Variants in C12orf54 observed in about 807,000 individuals in gnomAD.
The protein encoded by C12orf54 is chromosome 12 open reading frame 54, also known as uncharacterized protein C12orf54.
C12orf54 carries 24 observed loss-of-function variants against 26.4 expected under a neutral mutation model. The observed-to-expected ratio is 0.91, with a 90% CI of 0.66 to 1.28. C12orf54 has a LOEUF of 1.28. C12orf54 is among the 50% of genes most tolerant of loss of function. C12orf54 has a pLI of 0.00. For synonymous variants in C12orf54, 54 were observed against 47.0 expected, an observed-to-expected ratio of 1.15 and a Z score of -0.61; for missense variants, 154 against 150.9, an observed-to-expected ratio of 1.02 and a Z score of -0.11.
the C12orf54 span, among the ~76,000 whole-genome samples, chr12:48,470,366 T>C: frequency 6.6e-6 from 1 of 152,348 alleles, no homozygotes; most frequent in South Asian, 2.1e-4. Flanking sequence ...GTTATTTTTT[T>C]ACTTTTTGGT....
At chr12:48,421,618 C>A in the C12orf54 span, among the ~76,000 whole-genome samples, 2 of 150,590 alleles carry the variant, frequency 1.3e-5, no homozygotes, top group Non-Finnish European at 3.0e-5. Context: ...CAACCTCCAC[C>A]TCCCCAGTTC....
At chr12:48,494,037 A>G (rs374828903) in intron 7 of C12orf54, among the ~76,000 whole-genome samples, 34,503 of 95,804 alleles carry the variant, frequency 0.36, 8,043 homozygotes, top group East Asian at 0.77. Context: ...TGACCAACAC[A>G]GTGAAACCCC....
At position 48,489,048 on chromosome 12, in the gene C12orf54, A is replaced by G. The variant is rs576223126; in HGVS notation, c.168+92A>G. 74 of 1,226,836 alleles carry G rather than the reference A, an allele frequency of 6.0e-5. 1 individual carries two copies. The South Asian group carries it at 8.7e-4, about 14-fold the overall frequency. 76.0% of individuals were successfully genotyped at this position (1,226,836 alleles called of 1,614,324 possible). ...TTACCCTACTGAGATGTTGCCTCTGACCAAGGTTTTAGCTTCATTTATTTT... is the reference window on the plus strand; with the variant it reads ...TTACCCTACTGAGATGTTGCCTCTGGCCAAGGTTTTAGCTTCATTTATTTT... On this transcript the variant is annotated intron_variant, in intron 5 of 8. Transcript: ENST00000548364.
the C12orf54 span, among the ~76,000 whole-genome samples, chr12:48,432,140 ATTC>A: frequency 1.2e-4 from 19 of 152,352 alleles, no homozygotes; most frequent in African/African-American, 4.6e-4. Context: ...GAATGCAACA[ATTC>A]TTCAAAAACA....
intron 4 of C12orf54, chr12:48,488,491 AAAAAG>A: frequency 5.2e-6 from 2 of 382,796 alleles, no homozygotes; most frequent in East Asian, 7.2e-5. Context: ...CAAAAAAAAA[AAAAAG>A]AAAGAAAGAA....
At chr12:48,461,082 T>C in the C12orf54 span, among the ~76,000 whole-genome samples, 2 of 151,958 alleles carry the variant, frequency 1.3e-5, no homozygotes, top group East Asian at 3.8e-4. Context: ...GAAAAAGATA[T>C]TCCGTGCTGA....
At chr12:48,450,245 A>G in the C12orf54 span, among the ~76,000 whole-genome samples, 18 of 152,354 alleles carry the variant, frequency 1.2e-4, no homozygotes, top group South Asian at 2.3e-3. Context: ...TGACTAAATA[A>G]TGAAATTAAG....
the C12orf54 span, among the ~76,000 whole-genome samples, chr12:48,448,434 A>G: frequency 6.6e-6 from 1 of 152,236 alleles, no homozygotes; most frequent in African/African-American, 2.4e-5. Context: ...AGGTTGATAT[A>G]TGTAAAAATA....
the C12orf54 span, among the ~76,000 whole-genome samples, chr12:48,438,019 A>C: frequency 2.0e-5 from 3 of 152,234 alleles, no homozygotes; most frequent in African/African-American, 7.2e-5. Context: ...GTAACAGCCC[A>C]AAATCTCCTT....
In C12orf54 at chr12:48,490,801, T is replaced by C; in HGVS notation, c.169-11T>C. 1.2e-6 allele frequency: 2 copies of C among 1,613,552 alleles called. No homozygotes were observed. The highest frequency in any genetic ancestry group is 1.1e-5 in the South Asian group (1 of 91,072). On this transcript the variant is annotated splice_polypyrimidine_tract_variant and intron_variant, in intron 5 of 8. Coordinates refer to ENST00000548364, the MANE Select transcript of C12orf54 (RefSeq NM_152319.4). ...CCCATCATCTCTGACTGTATTCTCA[T>C]TATTTTTCAGCTGCAGGAAGATGCT...
At chr12:48,425,408 C>T in the C12orf54 span, among the ~76,000 whole-genome samples, 4 of 152,024 alleles carry the variant, frequency 2.6e-5, no homozygotes, top group South Asian at 2.1e-4. Context: ...GATATAATCT[C>T]GTTCCTTTTT....
chr12:48,414,220 G>C, the C12orf54 span, among the ~76,000 whole-genome samples: 1 of 152,208 alleles, frequency 6.6e-6, no homozygotes, highest in Non-Finnish European at 1.5e-5. Flanking sequence ...TGGAACAGTT[G>C]CTTATTAAGA....
the C12orf54 span, among the ~76,000 whole-genome samples, chr12:48,457,820 G>C: frequency 6.6e-6 from 1 of 152,186 alleles, no homozygotes; most frequent in Admixed American, 6.5e-5. Flanking sequence ...GGGAGAAGCA[G>C]CTATGAGGCC....
At chr12:48,478,179 CT>C (rs1954163313), upstream of C12orf54, among the ~76,000 whole-genome samples, 3 of 152,078 alleles carry the variant, frequency 2.0e-5, no homozygotes, top group South Asian at 6.2e-4. Context: ...CAGAAAAGGC[CT>C]TTGACAAAAT....
the C12orf54 span, among the ~76,000 whole-genome samples, chr12:48,445,770 T>G: frequency 6.6e-6 from 1 of 152,194 alleles, no homozygotes; most frequent in Admixed American, 6.5e-5. Context: ...TGAAGACAAT[T>G]GAGGGGCTGA....
the C12orf54 span, among the ~76,000 whole-genome samples, chr12:48,471,659 A>G: frequency 1.3e-5 from 2 of 152,216 alleles, no homozygotes; most frequent in Non-Finnish European, 2.9e-5. Context: ...TTTTAAGTGT[A>G]AGGCTTTATT....
intron 3 of C12orf54, 132 bp from the exon 4 acceptor site, chr12:48,486,556 G>C: frequency 1.1e-6 from 1 of 929,766 alleles, no homozygotes; most frequent in Non-Finnish European, 1.7e-6. Flanking sequence ...GGCTGCCTGA[G>C]AAATGGGGTG....
At chr12:48,469,584 A>G in the C12orf54 span, among the ~76,000 whole-genome samples, 3 of 152,172 alleles carry the variant, frequency 2.0e-5, no homozygotes, top group Non-Finnish European at 4.4e-5. Context: ...GGCAACATAC[A>G]TCCTCATCTT....
chr12:48,428,233 A>G, the C12orf54 span, among the ~76,000 whole-genome samples: 9 of 152,050 alleles, frequency 5.9e-5, no homozygotes, highest in East Asian at 1.7e-3. Flanking sequence ...AAGAGCACAA[A>G]CTGACAATCT....
Sources: gnomAD v4.1 joint callset for allele counts (sites outside exome capture counted in the v4.1 genomes callset) on GRCh38, gnomAD v4.1.1 for gene constraint, MANE v1.5 for transcripts, NCBI Gene and HGNC (gene_info 2026-07-23, HGNC 2026-07-21) for gene names.